Variants in CCDC163 observed in about 807,000 individuals in gnomAD.
CCDC163 encodes transmembrane protein CCDC163.
CCDC163 carries 13 observed loss-of-function variants against 8.2 expected under a neutral mutation model. That is an observed-to-expected ratio of 1.59 (90% CI 1.04 to 2.54). CCDC163 has a LOEUF of 2.54. CCDC163 is among the 30% of genes most tolerant of loss of function. The probability of loss-of-function intolerance (pLI) is 0.00; values close to 1 mark genes in which losing one functional copy is unlikely to be tolerated. For missense variants in CCDC163, 117 were observed against 78.6 expected (o/e 1.49, Z -1.85); for synonymous variants, 41 against 30.9 (o/e 1.33, Z -1.08).
intron 4 of CCDC163, chr1:45,495,657 T>A (rs1481629687): frequency 3.0e-4 from 3 of 10,094 alleles, no homozygotes; most frequent in Non-Finnish European, 2.9e-4. Context: ...TCCTCCCTCT[T>A]TTTTTTTTTT....
At position 45,496,581 on chromosome 1, in the gene CCDC163, C is replaced by T. The variant is rs759753197; in HGVS notation, c.305G>A (p.Arg102Gln). ...CTTCCAACTGCCAACCTGAGCCTGTCGTCCCTCAGCCAGCTGTTTCAGCAG... is the reference window on the plus strand; with the variant it reads ...CTTCCAACTGCCAACCTGAGCCTGTTGTCCCTCAGCCAGCTGTTTCAGCAG... ...ELLLKQLAEG[R>Q]QAQVGSWKIP... Residue 102 changes from arginine (R) to glutamine (Q), a missense_variant, in exon 4 of 5, where the codon CGA (arginine) becomes CAA (glutamine). Physicochemically the swap from Arg to Gln is conservative, Grantham distance 43. Transcript: ENST00000629482. 1 of 780,590 alleles carries T rather than the reference C, an allele frequency of 1.3e-6. No homozygotes were observed. The highest frequency in any genetic ancestry group is 2.4e-5 in the East Asian group (1 of 41,252). The allele number at this position is 780,590 out of a possible 1,614,324, so 48.4% of individuals were successfully genotyped here.
At chr1:45,496,215 T>C in intron 4 of CCDC163, 1 of 394,658 alleles carries the variant, frequency 2.5e-6, no homozygotes, top group South Asian at 2.1e-5. Flanking sequence ...CCTGGTAGCC[T>C]CCAGGGTATG....
At chr1:45,499,253 G>A (rs1643464209) in intron 2 of CCDC163, 92 bp downstream of exon 2, 2 of 716,012 alleles carry the variant, frequency 2.8e-6, no homozygotes, top group Non-Finnish European at 5.2e-6. Context: ...AAAGGACAGA[G>A]TTGGAATTTG....
chr1:45,497,983 T>C, intron 2 of CCDC163, among the ~76,000 whole-genome samples: 1 of 146,954 alleles, frequency 6.8e-6, no homozygotes, highest in Non-Finnish European at 1.5e-5. Context: ...ATGGTTGCCG[T>C]GTCTGTGTAG....
At chr1:45,497,997 G>GTCCC (rs1182497816) in intron 2 of CCDC163, among the ~76,000 whole-genome samples, 3 of 149,538 alleles carry the variant, frequency 2.0e-5, no homozygotes, top group African/African-American at 2.5e-5. Context: ...TGTGTAGAAA[G>GTCCC]AAGTAGACAT....
chr1:45,495,468 T>G (rs1654032905), intron 4 of CCDC163: 1 of 702,746 alleles, frequency 1.4e-6, no homozygotes, highest in Non-Finnish European at 2.6e-6. Context: ...AAGACTGAAT[T>G]AAGAGCTGGA....
intron 2 of CCDC163, among the ~76,000 whole-genome samples, chr1:45,497,699 A>G (rs1643366353): frequency 5.3e-5 from 2 of 37,788 alleles, no homozygotes; most frequent in Admixed American, 3.1e-4. Flanking sequence ...CCCGTCCGGG[A>G]GGGAGGTGGA....
chr1:45,497,410 A>C (rs368600093), intron 2 of CCDC163, 27 bp from the exon 3 acceptor site: 73 of 775,896 alleles, frequency 9.4e-5, no homozygotes, highest in Non-Finnish European at 1.7e-4. Context: ...AATCCAGAGT[A>C]AGAAGGCAAG....
Position 45,496,562 on chromosome 1 carries a change from A to G in CCDC163, c.324T>C (p.Ser108=), listed in dbSNP as rs1377609969. The part of the protein sequence containing the change: ...LAEGRQAQVG[S]WKIPRGAPFL... ...AGTCTGAACCTAGTCCTACCTTCCA[A>G]CTGCCAACCTGAGCCTGTCGTCCCT... The change falls in exon 4 of 5, where the codon AGT becomes AGC. Residue 108 remains serine (S), a synonymous_variant. Coordinates refer to ENST00000629482, the MANE Select transcript of CCDC163 (RefSeq NM_001102601.3). 1.3e-6 allele frequency: 1 copy of G among 780,638 alleles called. No individual in the cohort carries two copies. The highest frequency in any genetic ancestry group is 2.4e-6 in the Non-Finnish European group (1 of 417,916). The allele number at this position is 780,638 out of a possible 1,614,324, so 48.4% of individuals were successfully genotyped here. A position where few individuals can be genotyped will look rare whatever the true frequency, so the allele number is the denominator to read the frequency against.
At chr1:45,496,687 G>A in intron 3 of CCDC163, 64 bp from the exon 4 acceptor site, 5 of 719,208 alleles carry the variant, frequency 7.0e-6, no homozygotes, top group Non-Finnish European at 5.2e-6. Flanking sequence ...CTCCCTGCCT[G>A]TGACCAGCCT....
intron 4 of CCDC163, chr1:45,496,197 T>A (rs1209923952): frequency 5.4e-6 from 2 of 370,392 alleles, no homozygotes; most frequent in African/African-American, 4.2e-5. Context: ...GGCATCTTGG[T>A]CCTCTGTCCT....
Position 45,496,091 on chromosome 1 carries a change from C to A in CCDC163, c.330+465G>T. ...AAAGCCCAAGTCAAATCTAGGATAG[C>A]TGAACTTTGGTCCCCAGTGCCCGAC... is the stretch of plus-strand genomic sequence containing the variant. On this transcript the variant is annotated intron_variant, in intron 4 of 4. Coordinates refer to ENST00000629482, the MANE Select transcript of CCDC163 (RefSeq NM_001102601.3). The A allele has an allele frequency of 1.1e-5, 3 of 284,652 alleles. No individual in the cohort carries two copies. The South Asian group carries it at 1.1e-4, about 10-fold the overall frequency. The allele number at this position is 284,652 out of a possible 1,614,324, so 17.6% of individuals were successfully genotyped here.
At position 45,499,635 on chromosome 1, in the gene CCDC163, G is replaced by A. The variant is rs12568144; in HGVS notation, c.-26C>T. ...ATCCTGTGGCAGGGGAGCGGCAGGGGTCTGGCTCCCTGGTGTCTTGTGCTT... is the reference window on the plus strand; with the variant it reads ...ATCCTGTGGCAGGGGAGCGGCAGGGATCTGGCTCCCTGGTGTCTTGTGCTT... On this transcript the variant is annotated 5_prime_UTR_variant, in exon 1 of 5. Transcript: ENST00000629482. The A allele has an allele frequency of 0.46, 339,526 of 743,418 alleles. 78,606 individuals carry two copies. The highest frequency in any genetic ancestry group is 0.58 in the East Asian group (22,821 of 39,220). 46.1% of individuals were successfully genotyped at this position (743,418 alleles called of 1,614,324 possible). A position where few individuals can be genotyped will look rare whatever the true frequency, so the allele number is the denominator to read the frequency against.
rs773747997 is a variant in CCDC163, at chr1:45,495,106, C to T, written c.391G>A (p.Val131Ile). 6 of 780,804 alleles carry T rather than the reference C, an allele frequency of 7.7e-6. No homozygotes were observed. The highest frequency in any genetic ancestry group is 1.7e-5 in the Admixed American group (1 of 59,022). 48.4% of individuals were successfully genotyped at this position (780,804 alleles called of 1,614,324 possible). A position where few individuals can be genotyped will look rare whatever the true frequency, so the allele number is the denominator to read the frequency against. Reference protein sequence around the residue: ...SPASFSSMPRVLSKRTYSFGA... With the variant: ...SPASFSSMPRILSKRTYSFGA... Reference sequence around the variant, plus strand: ...AAGGAATAGGTCCTCTTGCTTAAGACTCTGGGCATGGAGCTGAAAGATGCT... The same window carrying T: ...AAGGAATAGGTCCTCTTGCTTAAGATTCTGGGCATGGAGCTGAAAGATGCT... The change falls in exon 5 of 5, where the codon GTC becomes ATC. Residue 131 changes from valine to isoleucine, a missense_variant. Physicochemically the swap from Val to Ile is conservative, Grantham distance 29. Transcript: ENST00000629482.
At chr1:45,495,655 CTTTTTT>C (rs71052890) in intron 4 of CCDC163, 42 of 470,588 alleles carry the variant, frequency 8.9e-5, no homozygotes, top group Non-Finnish European at 1.1e-4. Context: ...TCTCCTCCCT[CTTTTTT>C]TTTTTTTTTT....
intron 4 of CCDC163, 107 bp from the exon 5 acceptor site, chr1:45,495,273 C>T (rs1654012458): frequency 1.4e-6 from 1 of 733,332 alleles, no homozygotes; most frequent in Non-Finnish European, 2.5e-6. Context: ...AGAGGACTGA[C>T]AGGATAAACA....
chr1:45,495,292 GGTCA>G (rs1420768629), intron 4 of CCDC163, 126 bp from the exon 5 acceptor site: 1 of 715,024 alleles, frequency 1.4e-6, no homozygotes, highest in Non-Finnish European at 2.6e-6. Context: ...CAGCAACAGA[GGTCA>G]GTGAGTTCAC....
chr1:45,497,538 G>T (rs183867951), intron 2 of CCDC163, among the ~76,000 whole-genome samples, 155 bp from the exon 3 acceptor site: 1 of 148,240 alleles, frequency 6.7e-6, no homozygotes, highest in African/African-American at 2.5e-5. Flanking sequence ...GCTCAATGGC[G>T]CCCAGGCTGG....
chr1:45,498,180 C>T (rs1233495218), intron 2 of CCDC163, among the ~76,000 whole-genome samples: 1 of 151,910 alleles, frequency 6.6e-6, no homozygotes, highest in Non-Finnish European at 1.5e-5. Flanking sequence ...TGCTTGAAGG[C>T]AGTATGCTCA....
Sources: gnomAD v4.1 joint callset for allele counts (sites outside exome capture counted in the v4.1 genomes callset) on GRCh38, gnomAD v4.1.1 for gene constraint, MANE v1.5 for transcripts, NCBI Gene and HGNC (gene_info 2026-07-23, HGNC 2026-07-21) for gene names.